The following PINX1 variants were observed in gnomAD, a reference collection of about 807,000 sequenced individuals.
PINX1 encodes the protein PIN2/TERF1-interacting telomerase inhibitor 1.
Under a neutral mutation model 25.4 loss-of-function variants are expected in PINX1, and 34 were observed. That is an observed-to-expected ratio of 1.34 (90% confidence interval 1.02 to 1.78). The LOEUF is 1.78. PINX1 is among the 40% of genes most tolerant of loss of function. PINX1 has a pLI of 0.00. For synonymous variants in PINX1, 197 were observed against 147.7 expected (o/e 1.33, Z -2.42); for missense variants, 592 against 404.9 (o/e 1.46, Z -3.97).
intron 6 of PINX1, among the ~76,000 whole-genome samples, chr8:10,796,664 C>T (rs959143876): frequency 6.6e-6 from 1 of 151,938 alleles, no homozygotes; most frequent in Non-Finnish European, 1.5e-5. Context: ...ACTCTGCCCA[C>T]ATTTTTTATC....
intron 6 of PINX1, among the ~76,000 whole-genome samples, chr8:10,773,247 C>T (rs890026463): frequency 3.3e-5 from 5 of 152,168 alleles, no homozygotes; most frequent in Admixed American, 1.3e-4. Flanking sequence ...CATATATACA[C>T]GTATGGAACT....
chr8:10,812,671 A>G (rs1797564787), intron 6 of PINX1, among the ~76,000 whole-genome samples: 1 of 152,216 alleles, frequency 6.6e-6, no homozygotes, highest in Non-Finnish European at 1.5e-5. Flanking sequence ...CTGTCCCTGA[A>G]GGCAATTCCC....
chr8:10,837,326 T>C (rs1163936432), intron 1 of PINX1, among the ~76,000 whole-genome samples: 1 of 152,210 alleles, frequency 6.6e-6, no homozygotes, highest in Non-Finnish European at 1.5e-5. Context: ...TTAAGCGTGT[T>C]ATGTGTGACT....
At chr8:10,814,272 G>A (rs1208518779) in intron 6 of PINX1, among the ~76,000 whole-genome samples, 1 of 152,224 alleles carries the variant, frequency 6.6e-6, no homozygotes, top group Non-Finnish European at 1.5e-5. Context: ...CAGTTTATGA[G>A]AAGTTTTCTG....
At chr8:10,806,589 A>G (rs1563221830) in intron 6 of PINX1, among the ~76,000 whole-genome samples, 1 of 151,898 alleles carries the variant, frequency 6.6e-6, no homozygotes, top group Middle Eastern at 3.2e-3. Context: ...GTCTTTCTCC[A>G]CTCCTTTCCT....
chr8:10,816,943 C>T (rs148015396), intron 6 of PINX1, among the ~76,000 whole-genome samples: 3 of 152,306 alleles, frequency 2.0e-5, no homozygotes, highest in Admixed American at 6.5e-5. Flanking sequence ...GACGGGATTG[C>T]TGTGAGGATG....
intron 4 of PINX1, among the ~76,000 whole-genome samples, chr8:10,828,282 A>G (rs547665334): frequency 6.6e-6 from 1 of 152,332 alleles, no homozygotes; most frequent in Non-Finnish European, 1.5e-5. Flanking sequence ...ATGGCACATA[A>G]CATTTTCAAT....
intron 6 of PINX1, among the ~76,000 whole-genome samples, chr8:10,766,166 T>C (rs544958206): frequency 6.6e-6 from 1 of 151,784 alleles, no homozygotes; most frequent in South Asian, 2.1e-4. Flanking sequence ...CCAGGTGGGG[T>C]GGTAGATGAC....
intron 6 of PINX1, among the ~76,000 whole-genome samples, chr8:10,790,846 AAAAC>A (rs996212071): frequency 8.5e-5 from 13 of 152,166 alleles, no homozygotes; most frequent in African/African-American, 2.7e-4. Flanking sequence ...AAGTACACGC[AAAAC>A]AAACAGTCTA....
intron 6 of PINX1, among the ~76,000 whole-genome samples, chr8:10,819,883 A>G (rs1013534469): frequency 7.2e-5 from 11 of 152,168 alleles, no homozygotes; most frequent in African/African-American, 2.4e-4. Context: ...CATGGAAGAG[A>G]TATTTTCCCC....
chr8:10,768,168 G>C (rs1031691212), intron 6 of PINX1, among the ~76,000 whole-genome samples: 1 of 152,096 alleles, frequency 6.6e-6, no homozygotes, highest in Non-Finnish European at 1.5e-5. Context: ...AGACAGACTC[G>C]GTGACGACGG....
chr8:10,836,411 C>T (rs1274159575), intron 1 of PINX1, among the ~76,000 whole-genome samples: 1 of 152,192 alleles, frequency 6.6e-6, no homozygotes, highest in Non-Finnish European at 1.5e-5. Flanking sequence ...AGCCAGTATT[C>T]TATATGCAAG....
chr8:10,770,175 G>A (rs1586128180), intron 6 of PINX1, among the ~76,000 whole-genome samples: 1 of 152,218 alleles, frequency 6.6e-6, no homozygotes, highest in South Asian at 2.1e-4. Context: ...GCAGATGCTG[G>A]ACAGCTTCCA....
In PINX1 at chr8:10,820,190, T is replaced by C. The variant is rs748867993; in HGVS notation, c.471+3A>G. 1 of 1,594,930 alleles carries C rather than the reference T, an allele frequency of 6.3e-7. No individual in the cohort carries two copies. Among genetic ancestry groups the C allele is most frequent in the South Asian group, 1.1e-5 (1 of 90,542 alleles). On this transcript the variant is annotated splice_donor_region_variant and intron_variant, in intron 6 of 6. Transcript: ENST00000314787. ...AACACGGAAACTGTACGTGGCTTTA[T>C]ACCTCGGGAGTCTTCTTACTCTGTC...
At chr8:10,790,104 G>C (rs1279418998) in intron 6 of PINX1, among the ~76,000 whole-genome samples, 2 of 152,022 alleles carry the variant, frequency 1.3e-5, no homozygotes, top group Non-Finnish European at 2.9e-5. Context: ...CTCACTCTCA[G>C]GACTCAGGTT....
intron 6 of PINX1, among the ~76,000 whole-genome samples, chr8:10,790,484 C>T (rs539514093): frequency 5.9e-5 from 9 of 152,156 alleles, no homozygotes; most frequent in Non-Finnish European, 8.8e-5. Flanking sequence ...CCCATCTGCA[C>T]GTCTGCCCTG....
At chr8:10,784,309 C>G (rs1243843154) in intron 6 of PINX1, among the ~76,000 whole-genome samples, 1 of 152,194 alleles carries the variant, frequency 6.6e-6, no homozygotes, top group African/African-American at 2.4e-5. Context: ...TTATAAGTGG[C>G]TCTCCTTAGG....
chr8:10,829,937 GC>G (rs1798179617), intron 4 of PINX1, among the ~76,000 whole-genome samples: 1 of 152,180 alleles, frequency 6.6e-6, no homozygotes, highest in South Asian at 2.1e-4. Context: ...GCCCGCCTCA[GC>G]CTCCCAAAGT....
At chr8:10,811,371 A>C (rs1240754322) in intron 6 of PINX1, among the ~76,000 whole-genome samples, 1 of 152,156 alleles carries the variant, frequency 6.6e-6, no homozygotes, top group Non-Finnish European at 1.5e-5. Context: ...TCCTCATTCT[A>C]CTGGCTCAGA....
Sources: allele counts gnomAD v4.1 joint callset (sites outside exome capture counted in the v4.1 genomes callset), GRCh38; gene constraint gnomAD v4.1.1; transcripts MANE v1.5; gene names NCBI Gene and HGNC (gene_info 2026-07-23, HGNC 2026-07-21).